EPYC: variants seen among roughly 807,000 people sequenced by gnomAD.
EPYC encodes epiphycan, also known as dermatan sulfate proteoglycan 3.
In EPYC, 28 loss-of-function variants were observed where a neutral mutation model predicts 30.1. The observed-to-expected ratio is 0.93, with a 90% confidence interval of 0.69 to 1.28. EPYC has a LOEUF of 1.28. EPYC is among the 50% of genes most tolerant of loss of function. The pLI is 0.00. For missense variants in EPYC, 382 were observed against 383.5 expected, an observed-to-expected ratio of 1.00 and a Z score of 0.03; for synonymous variants, 144 against 141.4, an observed-to-expected ratio of 1.02 and a Z score of -0.13.
Position 90,972,635 on chromosome 12 carries a change from A to G in EPYC, c.499+187T>C, listed in dbSNP as rs566219786. ...TCACCTATATGGTTTTGAAATGACC[A>G]TTGCTTATTTGTTGTTTTTCTTATA... On this transcript the variant is annotated intron_variant, in intron 4 of 6. Transcript: ENST00000261172. 7.2e-5 allele frequency: 38 copies of G among 530,816 alleles called. No individual in the cohort carries two copies. The East Asian group carries it at 7.5e-4, about 10-fold the overall frequency. The allele number at this position is 530,816 out of a possible 1,614,324, so 32.9% of individuals were successfully genotyped here.
At position 90,972,909 on chromosome 12, in the gene EPYC, T is replaced by G. The variant is rs1403638757; in HGVS notation, c.412A>C (p.Ile138Leu). 1.5e-5 allele frequency: 24 copies of G among 1,612,650 alleles called. No homozygotes were observed. Among genetic ancestry groups the G allele is most frequent in the Non-Finnish European group, 2.0e-5 (24 of 1,178,756 alleles). ...VYCDDHELDAIPPLPKNTAYF... is the reference protein window; with the variant it reads ...VYCDDHELDALPPLPKNTAYF... ...GCGGTGTTCTTTGGCAGCGGAGGAA[T>G]AGCATCAAGTTCATGGTCATCACAG... The change falls in exon 4 of 7, where the codon ATT (isoleucine) becomes CTT (leucine). Residue 138 changes from isoleucine to leucine, a missense_variant. Ile to Leu is a conservative substitution (Grantham distance 5). Coordinates refer to ENST00000261172, the MANE Select transcript of EPYC (RefSeq NM_004950.5).
chr12:90,992,817 C>T (rs1486161312), intron 2 of EPYC, among the ~76,000 whole-genome samples: 2 of 152,108 alleles, frequency 1.3e-5, no homozygotes, highest in African/African-American at 2.4e-5. Context: ...GTTTCTGATT[C>T]CCTAGGTCTG....
chr12:90,992,792 A>C (rs943756742), intron 2 of EPYC, among the ~76,000 whole-genome samples: 2 of 152,092 alleles, frequency 1.3e-5, no homozygotes, highest in Non-Finnish European at 2.9e-5. Flanking sequence ...TTGTTCACTG[A>C]GCTCCTTCCG....
intron 2 of EPYC, among the ~76,000 whole-genome samples, chr12:90,982,167 C>G (rs1305125444): frequency 2.0e-5 from 3 of 152,176 alleles, no homozygotes; most frequent in African/African-American, 7.2e-5. Context: ...TATCTGCCAT[C>G]ATCACCATTA....
chr12:90,972,965 A>G lies in EPYC; in HGVS notation c.356T>C (p.Leu119Pro). 1 of 1,592,038 alleles carries G rather than the reference A, an allele frequency of 6.3e-7. No individual in the cohort carries two copies. Among genetic ancestry groups the G allele is most frequent in the South Asian group, 1.1e-5 (1 of 87,166 alleles). ...GGTGGTACTTATACAAGTACACAAA[A>G]GACAGGTTGGAAAGTCTAAAAGATA... is the stretch of plus-strand genomic sequence containing the variant. ...PHTNEDFPTC[L>P]LCTCISTTVY... is the part of the protein sequence containing the mutation. The change falls in exon 4 of 7, where the codon CTT becomes CCT. Residue 119 changes from leucine to proline, a missense_variant. By Grantham distance (98) the Leu-to-Pro change is moderately conservative. Transcript: ENST00000261172.
chr12:90,964,015 AACAT>A lies in EPYC; in HGVS notation c.*137_*140del. 8 of 625,028 alleles carry A rather than the reference AACAT, an allele frequency of 1.3e-5. No homozygotes were observed. The highest frequency in any genetic ancestry group is 2.1e-5 in the Non-Finnish European group (8 of 389,272). The allele number at this position is 625,028 out of a possible 1,614,324, so 38.7% of individuals were successfully genotyped here. ...TCTTAAATTACTACATTTTCATTAT[AACAT>A]TTTTAATTGTATTTTATGTAGTCAT... On this transcript the variant is annotated 3_prime_UTR_variant, in exon 7 of 7. Transcript: ENST00000261172.
At chr12:90,966,364 T>C (rs1197258632) in intron 6 of EPYC, among the ~76,000 whole-genome samples, 1 of 152,098 alleles carries the variant, frequency 6.6e-6, no homozygotes, top group Admixed American at 6.5e-5. Flanking sequence ...GTGTTGGATT[T>C]TGTCAAATGC....
intron 2 of EPYC, among the ~76,000 whole-genome samples, chr12:91,000,915 A>G (rs1387781122): frequency 6.6e-6 from 1 of 152,140 alleles, no homozygotes; most frequent in South Asian, 2.1e-4. Flanking sequence ...TAGAAGTCAC[A>G]TAGGCCAAGA....
rs764908432 is a variant in EPYC at position 90,972,015 on chromosome 12, A to C, written c.500-13T>G. The C allele has an allele frequency of 1.4e-5, 20 of 1,413,948 alleles. No individual in the cohort carries two copies. Among genetic ancestry groups the C allele is most frequent in the Non-Finnish European group, 1.8e-5 (19 of 1,039,010 alleles). The allele number at this position is 1,413,948 out of a possible 1,614,324, so 87.6% of individuals were successfully genotyped here. ...CTTTTTAAATCACCTAGCAGAAAAAAATAAAGGAAGTAATTAAATATTCTT... is the reference window on the plus strand; with the variant it reads ...CTTTTTAAATCACCTAGCAGAAAAACATAAAGGAAGTAATTAAATATTCTT... On this transcript the variant is annotated splice_polypyrimidine_tract_variant and intron_variant, in intron 4 of 6. Transcript: ENST00000261172.
intron 4 of EPYC, 140 bp from the exon 5 acceptor site, chr12:90,972,142 A>T (rs931715545): frequency 7.6e-5 from 43 of 563,338 alleles, no homozygotes; most frequent in Non-Finnish European, 1.2e-4. Flanking sequence ...TTTTATAAAA[A>T]ATTATTTCCT....
intron 2 of EPYC, among the ~76,000 whole-genome samples, chr12:90,992,257 T>G (rs1415567606): frequency 6.6e-6 from 1 of 152,184 alleles, no homozygotes; most frequent in Non-Finnish European, 1.5e-5. Context: ...CAGGCAGTAA[T>G]GCTGGCTGGC....
At chr12:90,998,768 T>C (rs1035382291) in intron 2 of EPYC, among the ~76,000 whole-genome samples, 1 of 152,098 alleles carries the variant, frequency 6.6e-6, no homozygotes, top group African/African-American at 2.4e-5. Flanking sequence ...GCTATACCCA[T>C]TTTTTTAGCC....
chr12:90,972,649 G>T lies in EPYC; in HGVS notation c.499+173C>A, dbSNP rs535017715. ...TTGAAATGACCATTGCTTATTTGTT[G>T]TTTTTCTTATAATTGTTAAAGCAAA... On this transcript the variant is annotated intron_variant, in intron 4 of 6. Transcript: ENST00000261172. The T allele has an allele frequency of 7.9e-5, 46 of 578,676 alleles. No individual in the cohort carries two copies. In the African/African-American group the frequency reaches 8.3e-4, roughly 10 times the overall value. The allele number at this position is 578,676 out of a possible 1,614,324, so 35.8% of individuals were successfully genotyped here.
intron 2 of EPYC, among the ~76,000 whole-genome samples, chr12:90,991,979 A>G (rs1452180875): frequency 6.6e-6 from 1 of 152,190 alleles, no homozygotes; most frequent in African/African-American, 2.4e-5. Context: ...CTTCAAAAAT[A>G]TCAACAGCAA....
chr12:90,968,025 A>T (rs1474198678), intron 6 of EPYC, among the ~76,000 whole-genome samples: 1 of 152,128 alleles, frequency 6.6e-6, no homozygotes, highest in African/African-American at 2.4e-5. Context: ...CTTCATTACT[A>T]TTGAACTGCC....
intron 2 of EPYC, among the ~76,000 whole-genome samples, chr12:91,001,310 T>C (rs931273784): frequency 6.6e-6 from 1 of 152,118 alleles, no homozygotes; most frequent in Non-Finnish European, 1.5e-5. Flanking sequence ...TTCATCTAAA[T>C]ATTTTCTATC....
chr12:90,977,995 T>A, intron 3 of EPYC, 93 bp downstream of exon 3: 1 of 1,185,134 alleles, frequency 8.4e-7, no homozygotes, highest in Non-Finnish European at 1.1e-6. Flanking sequence ...TTTTCTTGGG[T>A]CATGTCATGT....
intron 2 of EPYC, among the ~76,000 whole-genome samples, chr12:90,989,513 G>A (rs2120849799): frequency 6.6e-6 from 1 of 151,900 alleles, no homozygotes; most frequent in Middle Eastern, 3.4e-3. Flanking sequence ...ACATGTACAT[G>A]CTTTTTTTTA....
At chr12:90,984,860 G>A (rs749881549) in intron 2 of EPYC, among the ~76,000 whole-genome samples, 1 of 152,040 alleles carries the variant, frequency 6.6e-6, no homozygotes, top group South Asian at 2.1e-4. Flanking sequence ...AGGGGAATTT[G>A]GCCCAACCCA....
Sources: allele counts gnomAD v4.1 joint callset (sites outside exome capture counted in the v4.1 genomes callset), GRCh38; gene constraint gnomAD v4.1.1; transcripts MANE v1.5; gene names NCBI Gene and HGNC (gene_info 2026-07-23, HGNC 2026-07-21).